The following CHD1 variants were observed in gnomAD, a reference collection of about 807,000 sequenced individuals.
CHD1 encodes the protein chromodomain helicase DNA binding protein 1.
CHD1 carries 36 observed loss-of-function variants against 224.2 expected under a neutral mutation model. The observed-to-expected ratio is 0.16, with a 90% CI of 0.12 to 0.21. The LOEUF is 0.21. Ranked by LOEUF, CHD1 falls within the 10% of genes least tolerant of loss-of-function variation. The pLI is 1.00. For missense variants in CHD1, 1,378 were observed against 1,994.8 expected, an observed-to-expected ratio of 0.69 and a Z score of 5.89; for synonymous variants, 668 against 658.3, an observed-to-expected ratio of 1.01 and a Z score of -0.23.
intron 32 of CHD1, 57 bp downstream of exon 32, chr5:98,863,351 A>C: frequency 9.5e-7 from 1 of 1,051,332 alleles, no homozygotes; most frequent in Non-Finnish European, 1.3e-6. Flanking sequence ...AAACAAAAAA[A>C]AAAAAAGACA....
intron 33 of CHD1, among the ~76,000 whole-genome samples, chr5:98,859,644 T>C (rs1174275295): frequency 4.6e-5 from 7 of 152,170 alleles, no homozygotes; most frequent in Admixed American, 2.6e-4. Context: ...AGAGGGTTCA[T>C]GATGCTGATA....
intron 22 of CHD1, 112 bp from the exon 23 acceptor site, chr5:98,879,840 A>G: frequency 1.6e-6 from 1 of 634,816 alleles, no homozygotes; most frequent in East Asian, 2.9e-5. Context: ...ATGGCTGTGG[A>G]CTAAACCAAA....
chr5:98,896,093 T>A, intron 12 of CHD1, 133 bp downstream of exon 12: 1 of 688,916 alleles, frequency 1.5e-6, no homozygotes. Flanking sequence ...TGGTCCCAGT[T>A]GCAGTGAGCC....
intron 23 of CHD1, among the ~76,000 whole-genome samples, chr5:98,876,800 T>A (rs1013873769): frequency 3.3e-5 from 5 of 152,164 alleles, no homozygotes. Flanking sequence ...CGCAGCAACA[T>A]AACCTCTAGG....
At chr5:98,886,586 C>G (rs1182169787) in intron 17 of CHD1, among the ~76,000 whole-genome samples, 1 of 152,098 alleles carries the variant, frequency 6.6e-6, no homozygotes, top group Non-Finnish European at 1.5e-5. Context: ...TTTGGGAAGC[C>G]ATATGCCTAC....
intron 12 of CHD1, 150 bp downstream of exon 12, chr5:98,896,076 G>GTAGAT: frequency 4.8e-6 from 3 of 630,228 alleles, no homozygotes; most frequent in South Asian, 2.0e-5. Flanking sequence ...GTGGTGGCGT[G>GTAGAT]CTCCTGTGGT....
chr5:98,903,388 T>C (rs1751848295), intron 4 of CHD1, among the ~76,000 whole-genome samples: 1 of 151,526 alleles, frequency 6.6e-6, no homozygotes, highest in Non-Finnish European at 1.5e-5. Flanking sequence ...ACATTGTGTA[T>C]AGTGGCCATC....
intron 15 of CHD1, among the ~76,000 whole-genome samples, chr5:98,891,636 C>G (rs1751025369): frequency 6.6e-6 from 1 of 151,930 alleles, no homozygotes; most frequent in African/African-American, 2.4e-5. Flanking sequence ...CATGGCAAAA[C>G]CCTGTCTCTA....
At chr5:98,882,849 G>C (rs1306654101) in intron 19 of CHD1, among the ~76,000 whole-genome samples, 1 of 152,090 alleles carries the variant, frequency 6.6e-6, no homozygotes, top group Non-Finnish European at 1.5e-5. Context: ...GCATTTTATA[G>C]TTACGACTAG....
At position 98,858,988 on chromosome 5, in the gene CHD1, T is replaced by C; in HGVS notation, c.4552A>G (p.Asn1518Asp). ...CCTGGATTTCTAATCACGTGAGGAT[T>C]CAAGTTGCTGTTTTGATCACTGTTT... is the stretch of plus-strand genomic sequence containing the variant. ...QQNSDQNSNL[N>D]PHVIRNPDVE... is the part of the protein sequence containing the mutation. Residue 1518 changes from asparagine (N) to aspartate (D), a missense_variant, in exon 34 of 36, where the codon AAT becomes GAT. Asn to Asp is a conservative substitution (Grantham distance 23). Coordinates refer to ENST00000614616, the MANE Select transcript of CHD1 (RefSeq NM_001270.4). 6.4e-7 allele frequency: 1 copy of C among 1,564,776 alleles called. No homozygotes were observed. Among genetic ancestry groups the C allele is most frequent in the Non-Finnish European group, 8.6e-7 (1 of 1,162,600 alleles).
At position 98,892,527 on chromosome 5, in the gene CHD1, G is replaced by A. The variant is rs764243983; in HGVS notation, c.2178C>T (p.Tyr726=). The A allele has an allele frequency of 6.2e-7, 1 of 1,610,860 alleles. No homozygotes were observed. Among genetic ancestry groups the A allele is most frequent in the Admixed American group, 1.7e-5 (1 of 59,870 alleles). Residue 726 remains tyrosine, a splice_region_variant and synonymous_variant, in exon 15 of 36, where the codon TAC becomes TAT. Transcript: ENST00000614616. The part of the protein sequence containing the change: ...MEMSALQKQY[Y]KWILTRNYKA... ...ACTGTGTTCTGTGTACAGCTTACTT[G>A]TAATATTGTTTCTGTAAAGCACTCA...
At chr5:98,924,229 T>C (rs1753298653) in intron 2 of CHD1, among the ~76,000 whole-genome samples, 2 of 151,792 alleles carry the variant, frequency 1.3e-5, no homozygotes, top group African/African-American at 4.8e-5. Flanking sequence ...CCAGCCTGGG[T>C]GACAGAGTGA....
chr5:98,871,369 CAAAAAAAAAAAAAAAAAA>C (rs61406690), intron 28 of CHD1, among the ~76,000 whole-genome samples: 3 of 46,792 alleles, frequency 6.4e-5, no homozygotes, highest in South Asian at 1.0e-3. Context: ...CCATTTTAGG[CAAAAAAAAAAAAAAAAAA>C]AAAAAAAAAA....
At chr5:98,905,580 C>G (rs1751995500) in intron 2 of CHD1, among the ~76,000 whole-genome samples, 1 of 152,142 alleles carries the variant, frequency 6.6e-6, no homozygotes, top group Admixed American at 6.5e-5. Context: ...TGCTTGTTTT[C>G]AAGTTTCCAT....
intron 19 of CHD1, among the ~76,000 whole-genome samples, chr5:98,882,429 C>A (rs1580414749): frequency 7.2e-6 from 1 of 139,174 alleles, no homozygotes; most frequent in Non-Finnish European, 1.6e-5. Flanking sequence ...GGGGGGGGGG[C>A]ATGTAAACTT....
chr5:98,883,297 A>C (rs1042724175), intron 18 of CHD1, 60 bp from the exon 19 acceptor site: 2 of 1,154,770 alleles, frequency 1.7e-6, no homozygotes, highest in Non-Finnish European at 2.4e-6. Context: ...GAACGTAAGC[A>C]GTATGGTACT....
intron 7 of CHD1, among the ~76,000 whole-genome samples, chr5:98,900,268 C>T (rs571480633): frequency 1.1e-4 from 15 of 132,614 alleles, no homozygotes; most frequent in Admixed American, 1.0e-3. Flanking sequence ...GACAACAGAA[C>T]GAGATTCTGT....
chr5:98,911,670 T>C (rs1327221921), intron 2 of CHD1, among the ~76,000 whole-genome samples: 1 of 152,176 alleles, frequency 6.6e-6, no homozygotes, highest in African/African-American at 2.4e-5. Flanking sequence ...AGAAGATATA[T>C]CATTACCAAC....
At chr5:98,859,460 C>T (rs898768054) in intron 33 of CHD1, among the ~76,000 whole-genome samples, 5 of 152,088 alleles carry the variant, frequency 3.3e-5, no homozygotes, top group South Asian at 2.1e-4. Flanking sequence ...TTAGTTGTCA[C>T]GTCTTCCTCT....
Sources: gnomAD v4.1 joint callset for allele counts (sites outside exome capture counted in the v4.1 genomes callset) on GRCh38, gnomAD v4.1.1 for gene constraint, MANE v1.5 for transcripts, NCBI Gene and HGNC (gene_info 2026-07-23, HGNC 2026-07-21) for gene names.